Variants in HCN1 observed in about 807,000 individuals in gnomAD.
HCN1 encodes the protein hyperpolarization activated cyclic nucleotide gated potassium channel 1.
HCN1 carries 13 observed loss-of-function variants against 78.9 expected under a neutral mutation model. The observed-to-expected ratio is 0.16, with a 90% CI of 0.11 to 0.26. The LOEUF (loss-of-function observed/expected upper bound fraction) is 0.26, where lower values mean the gene tolerates loss of function less well. HCN1 is among the 10% of genes least tolerant of loss of function. HCN1 has a pLI of 1.00. For synonymous variants in HCN1, 552 were observed against 455.5 expected (o/e 1.21, Z -2.70); for missense variants, 810 against 1,154.3 (o/e 0.70, Z 4.32).
chr5:45,666,726 C>T (rs1237584103), intron 1 of HCN1, among the ~76,000 whole-genome samples: 1 of 152,040 alleles, frequency 6.6e-6, no homozygotes, highest in Non-Finnish European at 1.5e-5. Flanking sequence ...GTCTATCTAA[C>T]ACAGTGTATG....
chr5:45,408,358 C>A (rs1470516955), intron 3 of HCN1, among the ~76,000 whole-genome samples: 4 of 151,822 alleles, frequency 2.6e-5, no homozygotes, highest in African/African-American at 9.7e-5. Flanking sequence ...ACTGTTATAC[C>A]CTTTTATTTT....
chr5:45,383,458 G>T (rs1747846878), intron 4 of HCN1, among the ~76,000 whole-genome samples: 1 of 152,188 alleles, frequency 6.6e-6, no homozygotes, highest in Non-Finnish European at 1.5e-5. Flanking sequence ...AATTTTGGGA[G>T]GCCGAGGCGG....
intron 2 of HCN1, among the ~76,000 whole-genome samples, chr5:45,549,175 G>C (rs1327367461): frequency 1.3e-5 from 2 of 152,252 alleles, no homozygotes; most frequent in African/African-American, 2.4e-5. Flanking sequence ...CCAAAAAAGA[G>C]TCTGCATTGC....
chr5:45,632,593 C>G (rs1225033698), intron 2 of HCN1, among the ~76,000 whole-genome samples: 2 of 152,018 alleles, frequency 1.3e-5, no homozygotes, highest in Non-Finnish European at 2.9e-5. Context: ...GTATTATTAT[C>G]TAACCCGAAA....
chr5:45,638,794 C>T (rs955203844), intron 2 of HCN1, among the ~76,000 whole-genome samples: 4 of 152,162 alleles, frequency 2.6e-5, no homozygotes, highest in Admixed American at 1.3e-4. Context: ...CCCAGCTACT[C>T]AGGAGGCTGA....
Position 45,303,698 on chromosome 5 carries a change from C to T in HCN1, c.1519G>A (p.Ala507Thr), listed in dbSNP as rs1685224516. ...ATGAAATACATTTTTTTACCCACGG[C>T]TCCTTCTCGTATGATATAATCTCCA... ...QPGDYIIREG[A>T]VGKKMYFIQH... Residue 507 changes from alanine (A) to threonine (T), a missense_variant, in exon 6 of 8, where the codon GCC becomes ACC. Ala to Thr is a moderately conservative substitution (Grantham distance 58, BLOSUM62 0). This residue lies in a region of HCN1 where 100 missense variants were observed against 126.8 expected (regional missense o/e 0.79). Transcript: ENST00000303230. 15 of 1,613,486 alleles carry T rather than the reference C, an allele frequency of 9.3e-6. No homozygotes were observed. Among genetic ancestry groups the T allele is most frequent in the Non-Finnish European group, 1.3e-5 (15 of 1,179,750 alleles).
intron 4 of HCN1, among the ~76,000 whole-genome samples, chr5:45,354,912 A>AT (rs2111985127): frequency 6.6e-6 from 1 of 152,108 alleles, no homozygotes; most frequent in South Asian, 2.1e-4. Flanking sequence ...TATTTTATTC[A>AT]TTTTTGGGAA....
chr5:45,420,715 C>T (rs2112066885), intron 3 of HCN1, among the ~76,000 whole-genome samples: 1 of 152,246 alleles, frequency 6.6e-6, no homozygotes, highest in East Asian at 1.9e-4. Context: ...TATACACACA[C>T]ACACAAACAC....
At chr5:45,428,462 C>T (rs1476866611) in intron 3 of HCN1, among the ~76,000 whole-genome samples, 2 of 151,904 alleles carry the variant, frequency 1.3e-5, no homozygotes. Flanking sequence ...TAGAATCATT[C>T]ATTTAAAAAA....
At chr5:45,271,130 C>T (rs1744952022) in intron 6 of HCN1, among the ~76,000 whole-genome samples, 1 of 152,012 alleles carries the variant, frequency 6.6e-6, no homozygotes, top group East Asian at 1.9e-4. Flanking sequence ...GAGCTCTTAA[C>T]CCAAAGGTTT....
At position 45,279,356 on chromosome 5, in the gene HCN1, T is replaced by C. The variant is rs1745118210; in HGVS notation, c.1619-12103A>G. ...ATTGTTTCAAAGCTTAACTGAGGTG[T>C]GATACATCCTGTTGAAACCGTGTTC... On this transcript the variant is annotated intron_variant, in intron 6 of 7. Transcript: ENST00000303230. Among the ~76,000 whole-genome samples, 4 of 152,278 alleles carry C rather than the reference T, an allele frequency of 2.6e-5. No homozygotes were observed. The South Asian group carries it at 8.3e-4, about 32-fold the overall frequency.
intron 3 of HCN1, among the ~76,000 whole-genome samples, chr5:45,415,819 C>CTT: frequency 6.6e-6 from 1 of 151,972 alleles, no homozygotes; most frequent in Non-Finnish European, 1.5e-5. Flanking sequence ...AGACCATGTC[C>CTT]TAAACATCTT....
At chr5:45,593,370 A>C (rs2589159) in intron 2 of HCN1, among the ~76,000 whole-genome samples, 2,377 of 134,988 alleles carry the variant, frequency 0.018, 35 homozygotes, top group Admixed American at 0.056. Context: ...ACACACACAC[A>C]CCCCACATGT....
At chr5:45,537,917 G>T (rs1430585551) in intron 2 of HCN1, among the ~76,000 whole-genome samples, 1 of 151,890 alleles carries the variant, frequency 6.6e-6, no homozygotes, top group Non-Finnish European at 1.5e-5. Context: ...AGACTCCAAG[G>T]TCAATGGATC....
chr5:45,331,054 T>A (rs1746333773), intron 5 of HCN1, among the ~76,000 whole-genome samples: 4 of 151,270 alleles, frequency 2.6e-5, no homozygotes. Flanking sequence ...ATATTTCTAC[T>A]TTTCTTCATT....
intron 2 of HCN1, among the ~76,000 whole-genome samples, chr5:45,608,831 A>G (rs1036190676): frequency 1.3e-5 from 2 of 152,086 alleles, no homozygotes; most frequent in Non-Finnish European, 2.9e-5. Flanking sequence ...ATAAGTACAA[A>G]GAAAAAAGTA....
chr5:45,350,311 A>T lies in HCN1; in HGVS notation c.1377+2789T>A, dbSNP rs377713983. On this transcript the variant is annotated intron_variant, in intron 5 of 7. Transcript: ENST00000303230. ...TCAATAGATGCAGAAAAGGCCTTTGACAAAATTCAACAACTCTTCATGCTA... is the reference window on the plus strand; with the variant it reads ...TCAATAGATGCAGAAAAGGCCTTTGTCAAAATTCAACAACTCTTCATGCTA... Among the ~76,000 whole-genome samples, 60 of 152,328 alleles carry T rather than the reference A, an allele frequency of 3.9e-4. No individual in the cohort carries two copies. In the East Asian group the frequency reaches 7.9e-3, roughly 20 times the overall value.
At chr5:45,308,178 A>G (rs1745774691) in intron 5 of HCN1, among the ~76,000 whole-genome samples, 2 of 152,048 alleles carry the variant, frequency 1.3e-5, no homozygotes, top group African/African-American at 4.8e-5. Flanking sequence ...TGTGACATGC[A>G]GGCTCCCCTT....
intron 2 of HCN1, among the ~76,000 whole-genome samples, chr5:45,482,355 T>C (rs1741672175): frequency 6.6e-6 from 1 of 152,196 alleles, no homozygotes; most frequent in African/African-American, 2.4e-5. Flanking sequence ...AGGTATATTC[T>C]CAACCTCACG....
Sources: allele counts gnomAD v4.1 joint callset (sites outside exome capture counted in the v4.1 genomes callset), GRCh38; gene constraint gnomAD v4.1.1; regional missense constraint gnomAD v4.1.1; transcripts MANE v1.5; gene names NCBI Gene and HGNC (gene_info 2026-07-23, HGNC 2026-07-21).